The following CLNK variants were observed in gnomAD, a reference collection of about 807,000 sequenced individuals.
CLNK encodes cytokine dependent hematopoietic cell linker, also known as cytokine-dependent hematopoietic cell linker.
A neutral mutation model predicts 68.6 loss-of-function variants in CLNK; 74 were observed. That is an observed-to-expected ratio of 1.08 (90% CI 0.89 to 1.31). CLNK has a LOEUF of 1.31. Among genes scored for constraint, CLNK ranks in the 50% most tolerant of loss-of-function variants. The pLI is 0.00. For missense variants in CLNK, 553 were observed against 515.3 expected, an observed-to-expected ratio of 1.07 and a Z score of -0.71; for synonymous variants, 198 against 172.2, an observed-to-expected ratio of 1.15 and a Z score of -1.17.
intron 3 of CLNK, among the ~76,000 whole-genome samples, chr4:10,591,421 C>A (rs1254177997): frequency 6.6e-6 from 1 of 152,178 alleles, no homozygotes; most frequent in Non-Finnish European, 1.5e-5. Context: ...GACTGCCTAC[C>A]CTGAACCTCT....
chr4:10,555,026 T>TA (rs879855606), intron 8 of CLNK, among the ~76,000 whole-genome samples: 19 of 152,370 alleles, frequency 1.2e-4, no homozygotes, highest in Non-Finnish European at 2.4e-4. Flanking sequence ...CTTCCTTATG[T>TA]AAAATGAGAG....
the CLNK span, among the ~76,000 whole-genome samples, chr4:10,717,412 T>G: frequency 6.6e-6 from 1 of 152,052 alleles, no homozygotes; most frequent in Non-Finnish European, 1.5e-5. Flanking sequence ...CCTGGGCAAC[T>G]TAGAGAAACC....
intron 8 of CLNK, among the ~76,000 whole-genome samples, chr4:10,554,687 G>T (rs544636739): frequency 6.6e-6 from 1 of 152,290 alleles, no homozygotes; most frequent in Non-Finnish European, 1.5e-5. Context: ...ATCTAAAATG[G>T]TAGAAGAATA....
chr4:10,596,258 C>T (rs1721380850), intron 3 of CLNK, among the ~76,000 whole-genome samples: 1 of 152,124 alleles, frequency 6.6e-6, no homozygotes, highest in Non-Finnish European at 1.5e-5. Flanking sequence ...CTCCTGACCT[C>T]AGGTGATCCG....
At chr4:10,503,868 C>T (rs1414946784) in intron 17 of CLNK, among the ~76,000 whole-genome samples, 3 of 148,180 alleles carry the variant, frequency 2.0e-5, no homozygotes, top group African/African-American at 5.0e-5. Flanking sequence ...CTGCAACCTC[C>T]GCCTCCAGGG....
chr4:10,648,154 G>A (rs7696539), intron 2 of CLNK, among the ~76,000 whole-genome samples: 49,831 of 152,064 alleles, frequency 0.33, 8,450 homozygotes, highest in African/African-American at 0.41. Context: ...CAATGTACAA[G>A]TTACCACGTA....
chr4:10,696,476 C>G, the CLNK span, among the ~76,000 whole-genome samples: 36 of 152,286 alleles, frequency 2.4e-4, no homozygotes, highest in East Asian at 6.6e-3. Flanking sequence ...GGCTCATGCA[C>G]CAACCACACG....
At chr4:10,598,100 GA>G in intron 2 of CLNK, 51 bp from the exon 3 acceptor site, 1 of 1,300,748 alleles carries the variant, frequency 7.7e-7, no homozygotes. Flanking sequence ...GAAGCTAGGG[GA>G]AAAATTAATT....
At chr4:10,572,974 G>T (rs544912375) in intron 4 of CLNK, among the ~76,000 whole-genome samples, 2 of 152,174 alleles carry the variant, frequency 1.3e-5, no homozygotes, top group South Asian at 4.2e-4. Flanking sequence ...GATTACAGGA[G>T]CACACCACCA....
At chr4:10,527,249 G>T (rs1219811464) in intron 13 of CLNK, among the ~76,000 whole-genome samples, 1 of 152,226 alleles carries the variant, frequency 6.6e-6, no homozygotes, top group African/African-American at 2.4e-5. Flanking sequence ...CATGGTTTCA[G>T]TTAGGTTTTT....
the CLNK span, among the ~76,000 whole-genome samples, chr4:10,707,220 T>C: frequency 2.0e-5 from 3 of 152,108 alleles, no homozygotes; most frequent in African/African-American, 4.8e-5. Context: ...ACACTAACAA[T>C]AACTGATGAG....
At chr4:10,704,441 T>C in the CLNK span, among the ~76,000 whole-genome samples, 1 of 150,946 alleles carries the variant, frequency 6.6e-6, no homozygotes, top group Admixed American at 6.6e-5. Context: ...ACTTAATTTT[T>C]CTTTTGCCAT....
Position 10,490,515 on chromosome 4 carries a change from A to T in CLNK, c.1239T>A (p.Cys413Ter), listed in dbSNP as rs1428293368. ...KDKTGVHRKQ[C>*]HLTQPLPLTR... is the part of the protein sequence containing the mutation. The stretch of plus-strand genomic sequence containing the variant: ...TGAGAGGGAGTGGCTGAGTGAGGTG[A>T]CACTGTTTCCTGTGGACCCCAGTTT... Residue 413 changes from cysteine to a stop codon, truncating the protein, a stop_gained, in exon 19 of 19, where the codon TGT becomes TGA. Coordinates refer to ENST00000226951, the MANE Select transcript of CLNK (RefSeq NM_052964.4). LOFTEE classifies it low-confidence loss of function (END_TRUNC). The T allele has an allele frequency of 6.2e-7, 1 of 1,612,686 alleles. No individual in the cohort carries two copies. The highest frequency in any genetic ancestry group is 8.5e-7 in the Non-Finnish European group (1 of 1,179,480).
chr4:10,562,562 C>T (rs996801717), intron 7 of CLNK, among the ~76,000 whole-genome samples: 2 of 152,106 alleles, frequency 1.3e-5, no homozygotes, highest in African/African-American at 2.4e-5. Context: ...CCCACCACCA[C>T]ACCCGGCTAA....
At chr4:10,508,395 C>T (rs1717406019) in intron 16 of CLNK, among the ~76,000 whole-genome samples, 1 of 152,174 alleles carries the variant, frequency 6.6e-6, no homozygotes, top group Admixed American at 6.5e-5. Context: ...GAAGCCTACA[C>T]TGCCCTAGTC....
chr4:10,536,260 A>T lies in CLNK; in HGVS notation c.603-3977T>A, dbSNP rs562371405. ...ATCTCACTCACAGTGCCTTACCAAC[A>T]GCTGGCAGAGACGGAGCAGGCACTC... On this transcript the variant is annotated intron_variant, in intron 11 of 18. Transcript: ENST00000226951. 9.2e-5 allele frequency among the ~76,000 whole-genome samples: 14 copies of T among 152,312 alleles called. No homozygotes were observed. The South Asian group carries it at 2.9e-3, about 32-fold the overall frequency.
chr4:10,616,819 TATATAC>T (rs71688072), intron 2 of CLNK, among the ~76,000 whole-genome samples: 40,422 of 99,430 alleles, frequency 0.41, 6,509 homozygotes, highest in East Asian at 0.58. Flanking sequence ...TATATATATA[TATATAC>T]ACGCATTTTT....
the CLNK span, among the ~76,000 whole-genome samples, chr4:10,690,502 A>C: frequency 6.6e-6 from 1 of 152,166 alleles, no homozygotes; most frequent in African/African-American, 2.4e-5. Context: ...TACCTCTCCC[A>C]ATTCTTCTTT....
intron 12 of CLNK, among the ~76,000 whole-genome samples, chr4:10,529,635 C>T (rs960252317): frequency 8.5e-5 from 13 of 152,120 alleles, no homozygotes; most frequent in African/African-American, 3.1e-4. Flanking sequence ...AGTAATGAAT[C>T]CATTCTAGTG....
Sources: allele counts gnomAD v4.1 joint callset (sites outside exome capture counted in the v4.1 genomes callset), GRCh38; gene constraint gnomAD v4.1.1; transcripts MANE v1.5; gene names NCBI Gene and HGNC (gene_info 2026-07-23, HGNC 2026-07-21).